Variants in CUL2 observed in about 807,000 individuals in gnomAD.
CUL2 encodes cullin 2.
Under a neutral mutation model 110.2 loss-of-function variants are expected in CUL2, and 22 were observed. The ratio of observed to expected loss-of-function variants is 0.20; its 90% CI spans 0.14 to 0.28. CUL2 has a LOEUF of 0.28. Among genes scored for constraint, CUL2 ranks in the 10% least tolerant of loss-of-function variants. The pLI is 1.00. For missense variants in CUL2, 631 were observed against 905.5 expected (o/e 0.70, Z 3.89); for synonymous variants, 279 against 293.2 (o/e 0.95, Z 0.49).
intron 2 of CUL2, among the ~76,000 whole-genome samples, chr10:35,067,654 G>A (rs1230334441): frequency 2.0e-5 from 3 of 150,532 alleles, no homozygotes; most frequent in Non-Finnish European, 4.4e-5. Context: ...TGAGGCATGA[G>A]AATCACTTAA....
At chr10:35,067,973 T>C (rs2086576736) in intron 2 of CUL2, among the ~76,000 whole-genome samples, 1 of 150,508 alleles carries the variant, frequency 6.6e-6, no homozygotes, top group Admixed American at 6.6e-5. Context: ...AGCCGGGCAT[T>C]GTGGTGGGCG....
At chr10:35,053,375 T>C (rs959063739) in intron 5 of CUL2, among the ~76,000 whole-genome samples, 3 of 152,248 alleles carry the variant, frequency 2.0e-5, no homozygotes, top group African/African-American at 4.8e-5. Flanking sequence ...AATTTTTTCA[T>C]AAACAATGTC....
Position 35,031,644 on chromosome 10 carries a change from C to A in CUL2, c.1171-25G>T. ...GCTCATGTAGAAATTGATAATAAAT[C>A]TTACAAAGGGTGCTTCTGTATATAT... On this transcript the variant is annotated intron_variant, in intron 12 of 20. Coordinates refer to ENST00000374749, the MANE Select transcript of CUL2 (RefSeq NM_003591.4). The surrounding 1 kb of genome is among the most constrained non-coding windows in gnomAD (Gnocchi z 4.4). 1 of 1,613,094 alleles carries A rather than the reference C, an allele frequency of 6.2e-7. No homozygotes were observed. Among genetic ancestry groups the A allele is most frequent in the South Asian group, 1.1e-5 (1 of 91,030 alleles).
In CUL2 at chr10:35,048,243, G is replaced by A. The variant is rs2086002174; in HGVS notation, c.506+1440C>T. Among the ~76,000 whole-genome samples, 4 of 152,244 alleles carry A rather than the reference G, an allele frequency of 2.6e-5. No homozygotes were observed. The South Asian group carries it at 8.3e-4, about 32-fold the overall frequency. ...CTAAGAGAGCTGTCATGAAGAATAA[G>A]TGAGATCTTAGTAAAGCATGTGAAA... On this transcript the variant is annotated intron_variant, in intron 6 of 20. Coordinates refer to ENST00000374749, the MANE Select transcript of CUL2 (RefSeq NM_003591.4).
At chr10:35,106,093 T>C (rs962910457) in intron 1 of CUL2, among the ~76,000 whole-genome samples, 1 of 152,148 alleles carries the variant, frequency 6.6e-6, no homozygotes, top group Non-Finnish European at 1.5e-5. Context: ...GTTTTTGTAG[T>C]ACAGGGCTTT....
At chr10:35,115,107 G>C (rs1054593959) in intron 1 of CUL2, among the ~76,000 whole-genome samples, 2 of 152,154 alleles carry the variant, frequency 1.3e-5, no homozygotes, top group African/African-American at 4.8e-5. Flanking sequence ...AACTACTCGG[G>C]AGGCTGAGGC....
chr10:35,025,735 C>A (rs1444341978), intron 16 of CUL2, among the ~76,000 whole-genome samples: 1 of 152,206 alleles, frequency 6.6e-6, no homozygotes, highest in Admixed American at 6.5e-5. Context: ...TTTAAACATT[C>A]CTCCCTGGAC....
At chr10:35,103,329 T>TA (rs2087411218) in intron 1 of CUL2, among the ~76,000 whole-genome samples, 2 of 81,882 alleles carry the variant, frequency 2.4e-5, no homozygotes, top group Non-Finnish European at 5.8e-5. Flanking sequence ...TTTTTTTTTT[T>TA]TTTATTTTTT....
At chr10:35,072,509 C>T (rs1322282996) in intron 1 of CUL2, among the ~76,000 whole-genome samples, 1 of 152,050 alleles carries the variant, frequency 6.6e-6, no homozygotes, top group Non-Finnish European at 1.5e-5. Context: ...GCTGGGACTA[C>T]AGGCGCCCGC....
chr10:35,018,619 C>A (rs934794685), intron 17 of CUL2, among the ~76,000 whole-genome samples: 1 of 151,246 alleles, frequency 6.6e-6, no homozygotes, highest in Non-Finnish European at 1.5e-5. Flanking sequence ...CAAAATTAGC[C>A]GGGTGTGGTG....
chr10:35,090,425 C>A (rs2087181610), upstream of CUL2: 1 of 152,020 alleles, frequency 6.6e-6, no homozygotes, highest in African/African-American at 2.4e-5. Flanking sequence ...CGCGCCGACA[C>A]TCACCTGTCT....
intron 5 of CUL2, 48 bp from the exon 6 acceptor site, chr10:35,049,813 T>C (rs373908876): frequency 2.2e-4 from 275 of 1,263,198 alleles, no homozygotes; most frequent in Non-Finnish European, 2.8e-4. Context: ...TTAGTATATG[T>C]TTAACATTTC....
At chr10:35,124,729 G>A (rs1039599398) in intron 1 of CUL2, among the ~76,000 whole-genome samples, 2 of 152,084 alleles carry the variant, frequency 1.3e-5, no homozygotes, top group Non-Finnish European at 2.9e-5. Flanking sequence ...AAAGGCTGTA[G>A]GTATGACTCT....
At chr10:35,061,056 A>G in intron 3 of CUL2, 88 bp from the exon 4 acceptor site, 1 of 1,342,606 alleles carries the variant, frequency 7.4e-7, no homozygotes. Flanking sequence ...AATGTTCTAA[A>G]ATAATTTACA....
intron 17 of CUL2, among the ~76,000 whole-genome samples, chr10:35,016,935 A>C (rs1428892032): frequency 7.3e-5 from 11 of 151,514 alleles, no homozygotes; most frequent in South Asian, 2.1e-4. Context: ...TCAAAAAAAA[A>C]AAAAAAACAA....
At chr10:35,087,842 C>T (rs2087100848) in intron 1 of CUL2, among the ~76,000 whole-genome samples, 1 of 151,542 alleles carries the variant, frequency 6.6e-6, no homozygotes, top group South Asian at 2.1e-4. Flanking sequence ...TCAGACCTCT[C>T]AGTTTAGAAG....
intron 1 of CUL2, among the ~76,000 whole-genome samples, chr10:35,112,581 T>C (rs531204513): frequency 2.0e-5 from 3 of 152,184 alleles, no homozygotes; most frequent in Admixed American, 1.3e-4. Flanking sequence ...ACTTGGAAAA[T>C]GAGTTTCCTC....
rs1419659738 is a variant in CUL2, at chr10:35,010,181, G to A, written c.*130C>T. ...ACGCTCATGACGTGGCACTGGTGAT[G>A]TTGTAAACAGCAGAAAACAGGGGCT... On this transcript the variant is annotated 3_prime_UTR_variant, in exon 21 of 21. Coordinates refer to ENST00000374749, the MANE Select transcript of CUL2 (RefSeq NM_003591.4). 1.0e-5 allele frequency: 9 copies of A among 881,740 alleles called. No homozygotes were observed. The highest frequency in any genetic ancestry group is 3.0e-5 in the South Asian group (1 of 33,072). 54.6% of individuals were successfully genotyped at this position (881,740 alleles called of 1,614,324 possible).
chr10:35,045,451 C>T (rs1430712383), intron 6 of CUL2, among the ~76,000 whole-genome samples: 6 of 151,228 alleles, frequency 4.0e-5, no homozygotes, highest in Non-Finnish European at 7.4e-5. Context: ...TGGTGGCACA[C>T]ACCTGTGGTC....
Sources: gnomAD v4.1 joint callset for allele counts (sites outside exome capture counted in the v4.1 genomes callset) on GRCh38, gnomAD v4.1.1 for gene constraint, Gnocchi (gnomAD v3.1) non-coding constraint, MANE v1.5 for transcripts, NCBI Gene and HGNC (gene_info 2026-07-23, HGNC 2026-07-21) for gene names.